The following GLIS3 variants were observed in gnomAD, a reference collection of about 807,000 sequenced individuals.
GLIS3 encodes the protein zinc finger protein GLIS3.
Under a neutral mutation model 78.6 loss-of-function variants are expected in GLIS3, and 53 were observed. The observed-to-expected ratio is 0.67, with a 90% CI of 0.54 to 0.85. The LOEUF is 0.85. GLIS3 is among the 40% of genes least tolerant of loss of function. The pLI is 0.00. For missense variants in GLIS3, 1,703 were observed against 1,231.1 expected (o/e 1.38, Z -5.74); for synonymous variants, 684 against 509.9 (o/e 1.34, Z -4.60).
chr9:4,038,635 G>C (rs954680963), intron 4 of GLIS3, among the ~76,000 whole-genome samples: 1 of 152,182 alleles, frequency 6.6e-6, no homozygotes, highest in South Asian at 2.1e-4. Flanking sequence ...AATACATTCT[G>C]CAAACCACTG....
At chr9:3,845,541 G>T (rs6476689) in intron 9 of GLIS3, among the ~76,000 whole-genome samples, 146,810 of 152,300 alleles carry the variant, frequency 0.96, 71,010 homozygotes, top group East Asian at 1. Flanking sequence ...ACTGAACAAG[G>T]AAAATTTTTC....
intron 2 of GLIS3, among the ~76,000 whole-genome samples, chr9:4,162,844 C>T (rs1219697924): frequency 2.7e-5 from 3 of 109,326 alleles, no homozygotes; most frequent in South Asian, 3.6e-4. Context: ...GCGACAGAGT[C>T]TCGCTCTGTC....
chr9:4,260,336 G>A (rs560328517), intron 2 of GLIS3, among the ~76,000 whole-genome samples: 2 of 152,292 alleles, frequency 1.3e-5, no homozygotes, highest in African/African-American at 4.8e-5. Context: ...GGAGGCCGAG[G>A]TGGGTCGATC....
At chr9:4,354,508 CAAT>C in the GLIS3 span, among the ~76,000 whole-genome samples, 10 of 152,160 alleles carry the variant, frequency 6.6e-5, no homozygotes, top group Non-Finnish European at 1.3e-4. Flanking sequence ...ATATTCCCTA[CAAT>C]AATAACTGCT....
At chr9:4,078,556 C>G (rs10974322) in intron 4 of GLIS3, among the ~76,000 whole-genome samples, 41,188 of 152,148 alleles carry the variant, frequency 0.27, 5,942 homozygotes, top group African/African-American at 0.37. Flanking sequence ...TGGTATTTAC[C>G]TAGCTGTCCC....
At chr9:4,262,348 G>C (rs1218043952) in intron 2 of GLIS3, among the ~76,000 whole-genome samples, 1 of 152,086 alleles carries the variant, frequency 6.6e-6, no homozygotes, top group Non-Finnish European at 1.5e-5. Flanking sequence ...AGAAACACTT[G>C]ACAGAGTGCT....
At chr9:4,286,005 C>T (rs756242289) in intron 2 of GLIS3, 33 bp downstream of exon 2, 1 of 1,613,730 alleles carries the variant, frequency 6.2e-7, no homozygotes, top group Non-Finnish European at 8.5e-7. Flanking sequence ...AAATCGTTTC[C>T]ATTTTTAAAA....
chr9:4,081,185 G>A (rs988887342), intron 4 of GLIS3: 1 of 152,216 alleles, frequency 6.6e-6, no homozygotes, highest in Non-Finnish European at 1.5e-5. Flanking sequence ...CTAGAGGGAA[G>A]CATGACTACC....
At chr9:4,306,300 AG>A (rs144798812) in intron 4 of GLIS3, among the ~76,000 whole-genome samples, 11,825 of 152,046 alleles carry the variant, frequency 0.078, 570 homozygotes, top group East Asian at 0.18. Flanking sequence ...TGGGTTTTTC[AG>A]GGTAAAGTTA....
chr9:3,854,541 TTC>T (rs1819635070), intron 9 of GLIS3, among the ~76,000 whole-genome samples: 1 of 41,278 alleles, frequency 2.4e-5, no homozygotes, highest in African/African-American at 3.7e-5. Context: ...TACGTTGATG[TTC>T]TTTTTTTTTT....
At chr9:3,852,771 G>A (rs1041310525) in intron 9 of GLIS3, among the ~76,000 whole-genome samples, 1 of 152,200 alleles carries the variant, frequency 6.6e-6, no homozygotes, top group African/African-American at 2.4e-5. Flanking sequence ...CACGCCCTTT[G>A]CAACCTCATT....
chr9:4,253,860 G>A (rs1824647460), intron 2 of GLIS3, among the ~76,000 whole-genome samples: 1 of 152,144 alleles, frequency 6.6e-6, no homozygotes, highest in Non-Finnish European at 1.5e-5. Context: ...GCTAGGGGAG[G>A]GAGTTCCCTG....
At chr9:3,892,154 G>A (rs539730260) in intron 7 of GLIS3, among the ~76,000 whole-genome samples, 8 of 152,184 alleles carry the variant, frequency 5.3e-5, no homozygotes, top group African/African-American at 1.9e-4. Context: ...GTAGAAGCAG[G>A]ACATGAGCAG....
At chr9:4,091,336 C>T (rs1248081916) in intron 4 of GLIS3, among the ~76,000 whole-genome samples, 1 of 151,736 alleles carries the variant, frequency 6.6e-6, no homozygotes, top group African/African-American at 2.4e-5. Context: ...CATCACACTC[C>T]AGCCTGGGCA....
At chr9:4,461,209 G>A in the GLIS3 span, among the ~76,000 whole-genome samples, 1 of 152,190 alleles carries the variant, frequency 6.6e-6, no homozygotes, top group Non-Finnish European at 1.5e-5. Flanking sequence ...TTTGTATCAG[G>A]TGGGACTACA....
intron 6 of GLIS3, among the ~76,000 whole-genome samples, chr9:3,920,162 C>G (rs1447180726): frequency 6.6e-6 from 1 of 152,062 alleles, no homozygotes; most frequent in Non-Finnish European, 1.5e-5. Context: ...CGCCACCACA[C>G]CCGGCTAATT....
At chr9:4,162,526 A>C (rs138612625) in intron 2 of GLIS3, among the ~76,000 whole-genome samples, 1 of 152,194 alleles carries the variant, frequency 6.6e-6, no homozygotes, top group African/African-American at 2.4e-5. Flanking sequence ...AAAACCTGTT[A>C]GAAGCTTGAC....
intron 3 of GLIS3, among the ~76,000 whole-genome samples, chr9:4,121,957 T>C (rs1327942948): frequency 6.6e-6 from 1 of 152,262 alleles, no homozygotes; most frequent in Non-Finnish European, 1.5e-5. Context: ...AAGTGACAGC[T>C]GTATCATTAT....
rs1821679478 is a variant in GLIS3, at chr9:4,225,327, A to G, written c.388+60711T>C. Reference sequence around the variant, plus strand: ...ATTTTCTAAGTAGTATAGACCTGCTAGTCAAAATTATACAATTACTCTTTG... The same window carrying G: ...ATTTTCTAAGTAGTATAGACCTGCTGGTCAAAATTATACAATTACTCTTTG... On this transcript the variant is annotated intron_variant, in intron 2 of 10. Coordinates refer to ENST00000381971, the MANE Select transcript of GLIS3 (RefSeq NM_001042413.2). Among the ~76,000 whole-genome samples the G allele has an allele frequency of 1.3e-5, 2 of 152,312 alleles. 1 individual carries two copies. The highest frequency in any genetic ancestry group is 6.8e-3 in the Middle Eastern group (2 of 294).
Sources: gnomAD v4.1 joint callset for allele counts (sites outside exome capture counted in the v4.1 genomes callset) on GRCh38, gnomAD v4.1.1 for gene constraint, MANE v1.5 for transcripts, NCBI Gene and HGNC (gene_info 2026-07-23, HGNC 2026-07-21) for gene names.